DLG2: variants seen among roughly 807,000 people sequenced by gnomAD.
The protein encoded by DLG2 is disks large homolog 2.
DLG2 carries 45 observed loss-of-function variants against 132.5 expected under a neutral mutation model. The observed-to-expected ratio is 0.34, with a 90% confidence interval of 0.27 to 0.44. DLG2 has a LOEUF of 0.44. DLG2 is among the 20% of genes least tolerant of loss of function. The pLI is 1.00. For missense variants in DLG2, 1,045 were observed against 1,196.9 expected, an observed-to-expected ratio of 0.87 and a Z score of 1.87; for synonymous variants, 424 against 419.6, an observed-to-expected ratio of 1.01 and a Z score of -0.13.
intron 4 of DLG2, among the ~76,000 whole-genome samples, chr11:85,272,757 A>T (rs1408527784): frequency 6.6e-6 from 1 of 152,188 alleles, no homozygotes; most frequent in East Asian, 1.9e-4. Context: ...AAGCTACTCT[A>T]AAGTTCATAT....
chr11:85,512,374 TAC>T (rs2094092736), intron 3 of DLG2, among the ~76,000 whole-genome samples: 1 of 152,136 alleles, frequency 6.6e-6, no homozygotes, highest in Non-Finnish European at 1.5e-5. Context: ...GTGGAATGCA[TAC>T]AGTTTTTATT....
intron 8 of DLG2, among the ~76,000 whole-genome samples, chr11:84,209,789 T>C (rs1597466869): frequency 6.6e-6 from 1 of 152,106 alleles, no homozygotes; most frequent in African/African-American, 2.4e-5. Flanking sequence ...ATAGCTAAAA[T>C]TAAAAAGATG....
At chr11:83,971,195 A>G (rs2091265933) in intron 12 of DLG2, among the ~76,000 whole-genome samples, 2 of 152,074 alleles carry the variant, frequency 1.3e-5, no homozygotes, top group African/African-American at 2.4e-5. Context: ...GGTTTCAAGG[A>G]AAAAAATCAT....
intron 7 of DLG2, among the ~76,000 whole-genome samples, chr11:84,370,254 AT>A (rs944487552): frequency 6.6e-6 from 1 of 151,924 alleles, no homozygotes; most frequent in East Asian, 1.9e-4. Flanking sequence ...GGGAAGTTGT[AT>A]TTTTTTTCAA....
At chr11:84,974,567 G>C (rs1272763691) in intron 6 of DLG2, among the ~76,000 whole-genome samples, 1 of 152,154 alleles carries the variant, frequency 6.6e-6, no homozygotes, top group African/African-American at 2.4e-5. Flanking sequence ...GGGAATAAAT[G>C]GAAGAGAAAA....
intron 3 of DLG2, among the ~76,000 whole-genome samples, chr11:85,569,308 AG>A (rs1279759221): frequency 6.6e-6 from 1 of 152,212 alleles, no homozygotes; most frequent in African/African-American, 2.4e-5. Context: ...CTGGGATTAC[AG>A]GCATGAGCCA....
chr11:85,403,779 G>A (rs147700630), intron 3 of DLG2, among the ~76,000 whole-genome samples: 1 of 152,150 alleles, frequency 6.6e-6, no homozygotes, highest in East Asian at 1.9e-4. Flanking sequence ...TGAAAGACAG[G>A]CTGCAGTGGG....
intron 22 of DLG2, chr11:83,480,297 A>C: frequency 8.4e-7 from 1 of 1,193,272 alleles, no homozygotes; most frequent in Non-Finnish European, 1.2e-6. Flanking sequence ...AAACAACAAC[A>C]GAAATCTGAA....
At chr11:84,485,472 G>C (rs1344083037) in intron 7 of DLG2, among the ~76,000 whole-genome samples, 1 of 152,056 alleles carries the variant, frequency 6.6e-6, no homozygotes, top group African/African-American at 2.4e-5. Context: ...TGTGGTCATT[G>C]AACTAATCAA....
At chr11:84,533,022 C>G (rs746405422) in intron 7 of DLG2, among the ~76,000 whole-genome samples, 6 of 152,074 alleles carry the variant, frequency 3.9e-5, no homozygotes, top group Admixed American at 6.6e-5. Flanking sequence ...CTAAACAGGA[C>G]CTTAAAGACA....
At chr11:84,094,985 G>A (rs998037235) in intron 10 of DLG2, among the ~76,000 whole-genome samples, 3 of 152,022 alleles carry the variant, frequency 2.0e-5, no homozygotes, top group Non-Finnish European at 2.9e-5. Flanking sequence ...TTATAAACTT[G>A]AGAATAGAAG....
chr11:84,273,250 T>G (rs548921793), intron 7 of DLG2: 3 of 1,543,080 alleles, frequency 1.9e-6, no homozygotes, highest in Non-Finnish European at 2.6e-6. Flanking sequence ...CACTTGGCCG[T>G]TGCATAGCGA....
intron 22 of DLG2, chr11:83,480,623 C>CTTCT: frequency 6.4e-7 from 1 of 1,557,194 alleles, no homozygotes; most frequent in Non-Finnish European, 8.7e-7. Context: ...ATTGCTGTTT[C>CTTCT]TTCTTTTTAG....
intron 3 of DLG2, among the ~76,000 whole-genome samples, chr11:85,351,114 A>G (rs1382987559): frequency 6.6e-6 from 1 of 152,156 alleles, no homozygotes; most frequent in African/African-American, 2.4e-5. Flanking sequence ...CTCCTTGAAG[A>G]GGTCCTTCAC....
rs189823093 is a variant in DLG2, at chr11:84,145,631, G to A, written c.624+17830C>T. Among the ~76,000 whole-genome samples, 114 of 152,206 alleles carry A rather than the reference G, an allele frequency of 7.5e-4. 1 individual carries two copies. Among genetic ancestry groups the A allele is most frequent in the East Asian group, 6.6e-3 (34 of 5,182 alleles). ...GGGGTAATATTGTAACAAGTGATTC[G>A]CAGAAGAAAATATATTGGTCAGTTT... On this transcript the variant is annotated intron_variant, in intron 9 of 27. Coordinates refer to ENST00000376104, the MANE Select transcript of DLG2 (RefSeq NM_001142699.3).
intron 6 of DLG2, among the ~76,000 whole-genome samples, chr11:84,682,802 C>CT (rs1483485213): frequency 6.6e-6 from 1 of 152,172 alleles, no homozygotes; most frequent in African/African-American, 2.4e-5. Context: ...CCACCAGCTG[C>CT]TCTATTGCCT....
At chr11:85,045,317 T>C (rs2062234189) in intron 6 of DLG2, among the ~76,000 whole-genome samples, 1 of 152,050 alleles carries the variant, frequency 6.6e-6, no homozygotes, top group South Asian at 2.1e-4. Context: ...GTAATATAGG[T>C]AATATTTTGG....
At chr11:84,349,968 G>C (rs61169611) in intron 7 of DLG2, among the ~76,000 whole-genome samples, 9,548 of 152,088 alleles carry the variant, frequency 0.063, 304 homozygotes, top group Admixed American at 0.078. Context: ...ACGAGGTCAG[G>C]AGATGGAGAC....
chr11:83,554,973 T>G (rs1356235088), intron 19 of DLG2, among the ~76,000 whole-genome samples: 1 of 152,136 alleles, frequency 6.6e-6, no homozygotes, highest in Non-Finnish European at 1.5e-5. Flanking sequence ...ACAAAACAGA[T>G]GTAGAAGAAA....
Sources: gnomAD v4.1 joint callset for allele counts (sites outside exome capture counted in the v4.1 genomes callset) on GRCh38, gnomAD v4.1.1 for gene constraint, MANE v1.5 for transcripts, NCBI Gene and HGNC (gene_info 2026-07-23, HGNC 2026-07-21) for gene names.